The following MAP2K2 variants were observed in gnomAD, a reference collection of about 807,000 sequenced individuals.
MAP2K2 encodes mitogen-activated protein kinase kinase 2, also known as dual specificity mitogen-activated protein kinase kinase 2.
A neutral mutation model predicts 43.7 loss-of-function variants in MAP2K2; 24 were observed. That is an observed-to-expected ratio of 0.55 (90% CI 0.40 to 0.77). MAP2K2 has a LOEUF of 0.77. Among genes scored for constraint, MAP2K2 ranks in the 30% least tolerant of loss-of-function variants. The pLI is 0.00. For missense variants in MAP2K2, 470 were observed against 566.8 expected (o/e 0.83, Z 1.73); for synonymous variants, 244 against 239.7 (o/e 1.02, Z -0.17).
At chr19:4,102,975 G>A (rs970596757) in intron 3 of MAP2K2, 4 of 1,100,104 alleles carry the variant, frequency 3.6e-6, no homozygotes, top group Middle Eastern at 4.3e-4. Flanking sequence ...GTCGCTGTGT[G>A]CCCGTCCAGA....
chr19:4,118,850 A>G (rs1208038657), intron 1 of MAP2K2, among the ~76,000 whole-genome samples: 1 of 152,234 alleles, frequency 6.6e-6, no homozygotes, highest in Non-Finnish European at 1.5e-5. Flanking sequence ...GATTCAAGGA[A>G]TCTTCAGAGG....
intron 1 of MAP2K2, among the ~76,000 whole-genome samples, chr19:4,120,417 G>A (rs1450234311): frequency 6.6e-6 from 1 of 152,200 alleles, no homozygotes; most frequent in Non-Finnish European, 1.5e-5. Flanking sequence ...GGGTCCAAGC[G>A]ATTCTCCTGC....
chr19:4,122,875 C>A (rs1402131719), intron 1 of MAP2K2, among the ~76,000 whole-genome samples: 5 of 151,546 alleles, frequency 3.3e-5, no homozygotes, highest in African/African-American at 1.2e-4. Context: ...TATTGAGGGA[C>A]CCTTACCCCG....
Position 4,090,711 on chromosome 19 carries a change from G to T in MAP2K2, c.1093-3C>A, listed in dbSNP as rs1249048457. The T allele has an allele frequency of 6.4e-7, 1 of 1,551,538 alleles. No individual in the cohort carries two copies. The highest frequency in any genetic ancestry group is 8.7e-7 in the Non-Finnish European group (1 of 1,146,238). The stretch of plus-strand genomic sequence containing the variant: ...GACCGCTTGATGAAGGTGTGGTTCT[G>T]CAAGGAAAGGGGAGCCGTGAGCACC... On this transcript the variant is annotated splice_region_variant and splice_polypyrimidine_tract_variant and intron_variant, in intron 10 of 10. Coordinates refer to ENST00000262948, the MANE Select transcript of MAP2K2 (RefSeq NM_030662.4).
intron 1 of MAP2K2, among the ~76,000 whole-genome samples, chr19:4,122,894 T>C (rs1040424721): frequency 2.7e-5 from 4 of 149,652 alleles, no homozygotes; most frequent in African/African-American, 9.9e-5. Context: ...CGTCTTTTCC[T>C]ACCAGGGACC....
chr19:4,106,729 C>T (rs903584445), intron 3 of MAP2K2, among the ~76,000 whole-genome samples: 1 of 151,200 alleles, frequency 6.6e-6, no homozygotes, highest in Non-Finnish European at 1.5e-5. Context: ...TTTTCTACAA[C>T]CACCCCTCCA....
At chr19:4,114,160 G>T (rs1216337719) in intron 2 of MAP2K2, among the ~76,000 whole-genome samples, 1 of 152,272 alleles carries the variant, frequency 6.6e-6, no homozygotes, top group African/African-American at 2.4e-5. Context: ...GGCTGGGAGC[G>T]GTGGCCAGCT....
chr19:4,095,954 T>C (rs1161657612), intron 8 of MAP2K2, among the ~76,000 whole-genome samples: 1 of 152,236 alleles, frequency 6.6e-6, no homozygotes, highest in Non-Finnish European at 1.5e-5. Flanking sequence ...TTTATATTTT[T>C]AGTAGAGACG....
intron 1 of MAP2K2, among the ~76,000 whole-genome samples, chr19:4,120,160 G>C (rs2041274116): frequency 6.6e-6 from 1 of 152,192 alleles, no homozygotes; most frequent in African/African-American, 2.4e-5. Flanking sequence ...GCTCATCTTA[G>C]TGTCCCCCAT....
At position 4,094,108 on chromosome 19, in the gene MAP2K2, C is replaced by G. The variant is rs554796728; in HGVS notation, c.1092+345G>C. ...ACCCTCTAGTTTGCAGGGAAAGGAG[C>G]CTGGGGGGCTGAGAGCTGCCTCCAG... On this transcript the variant is annotated intron_variant, in intron 10 of 10. Transcript: ENST00000262948. Among the ~76,000 whole-genome samples, 94 of 152,276 alleles carry G rather than the reference C, an allele frequency of 6.2e-4. No homozygotes were observed. The East Asian group carries it at 0.018, about 28-fold the overall frequency.
intron 9 of MAP2K2, chr19:4,095,133 T>C (rs1471266928): frequency 4.1e-6 from 2 of 483,842 alleles, no homozygotes; most frequent in Non-Finnish European, 7.5e-6. Context: ...GACAGTGAGC[T>C]GGGGACACCG....
At chr19:4,097,231 AAG>A in intron 8 of MAP2K2, 46 bp downstream of exon 8, 2 of 1,251,146 alleles carry the variant, frequency 1.6e-6, no homozygotes, top group Non-Finnish European at 2.3e-6. Context: ...AAAAAAAAGA[AAG>A]AAGAAAGAAA....
intron 3 of MAP2K2, among the ~76,000 whole-genome samples, chr19:4,108,286 G>A (rs988440226): frequency 2.0e-5 from 3 of 152,266 alleles, no homozygotes; most frequent in African/African-American, 7.2e-5. Flanking sequence ...TGTGGCCCAG[G>A]CTGGAGTGCA....
At position 4,101,215 on chromosome 19, in the gene MAP2K2, G is replaced by A. The variant is rs544557960; in HGVS notation, c.580+14C>T. 4.7e-5 allele frequency: 75 copies of A among 1,591,546 alleles called. No homozygotes were observed. Among genetic ancestry groups the A allele is most frequent in the South Asian group, 2.3e-4 (20 of 87,542 alleles). ...CGGCCCCCGGGGCTCTGGGGAGGGCGGGCTGGGCCTTACCTCGGTGCATGA... is the reference window on the plus strand; with the variant it reads ...CGGCCCCCGGGGCTCTGGGGAGGGCAGGCTGGGCCTTACCTCGGTGCATGA... On this transcript the variant is annotated intron_variant, in intron 5 of 10. Coordinates refer to ENST00000262948, the MANE Select transcript of MAP2K2 (RefSeq NM_030662.4). This position sits in a 1 kb window ranked among gnomAD's most constrained non-coding sequence, Gnocchi z 6.3.
chr19:4,123,267 G>A (rs1454985426), intron 1 of MAP2K2, among the ~76,000 whole-genome samples: 1 of 148,816 alleles, frequency 6.7e-6, no homozygotes, highest in Non-Finnish European at 1.5e-5. Context: ...TCCTACTGAG[G>A]GACTCCCCTC....
chr19:4,123,283 A>G (rs1347178398), intron 1 of MAP2K2, among the ~76,000 whole-genome samples: 1 of 146,844 alleles, frequency 6.8e-6, no homozygotes, highest in African/African-American at 2.5e-5. Flanking sequence ...CCCTCACCCC[A>G]GCTTCACTTT....
chr19:4,099,213 G>A lies in MAP2K2; in HGVS notation c.907C>T (p.Arg303Cys), dbSNP rs770521279. Residue 303 changes from arginine (R) to cysteine (C), a missense_variant, in exon 7 of 11, where the codon CGC (arginine) becomes TGC (cysteine). Physicochemically the swap from Arg to Cys is radical, Grantham distance 180 (BLOSUM62 -3). Transcript: ENST00000262948. The stretch of plus-strand genomic sequence containing the variant: ...ATTCAGGCCGTACCGCTGACGGGGC[G>A]CCCGGGGGGCCTCGGCCGAGGCGAG... ...SISPRPRPPG[R>C]PVSGHGMDSR... is the part of the protein sequence containing the mutation. 1.7e-5 allele frequency: 27 copies of A among 1,602,718 alleles called. No individual in the cohort carries two copies. The highest frequency in any genetic ancestry group is 1.7e-4 in the Middle Eastern group (1 of 5,922).
chr19:4,123,858 C>G lies in MAP2K2; in HGVS notation c.18G>C (p.Lys6Asn), dbSNP rs2145090011. The G allele has an allele frequency of 6.6e-7, 1 of 1,514,884 alleles. No homozygotes were observed. The highest frequency in any genetic ancestry group is 8.8e-7 in the Non-Finnish European group (1 of 1,134,204). 93.8% of individuals were successfully genotyped at this position (1,514,884 alleles called of 1,614,324 possible). A position where few individuals can be genotyped will look rare whatever the true frequency, so the allele number is the denominator to read the frequency against. The change falls in exon 1 of 11, where the codon AAG becomes AAC. Residue 6 changes from lysine (K) to asparagine (N), a missense_variant. This residue lies in a region of MAP2K2 where 58 missense variants were observed against 48.0 expected (regional missense o/e 1.21). Coordinates refer to ENST00000262948, the MANE Select transcript of MAP2K2 (RefSeq NM_030662.4). ...TGATGGTGAGCGCCGGCAGCACCGG[C>G]TTCCTCCGGGCCAGCATCGGGGCTC... MLARR[K>N]PVLPALTINP...
rs972236148 is a variant in MAP2K2, at chr19:4,123,961, C to G, written c.-86G>C. 1.3e-5 allele frequency: 8 copies of G among 631,074 alleles called. No homozygotes were observed. Among genetic ancestry groups the G allele is most frequent in the African/African-American group, 2.0e-5 (1 of 50,382 alleles). 39.1% of individuals were successfully genotyped at this position (631,074 alleles called of 1,614,324 possible). A position where few individuals can be genotyped will look rare whatever the true frequency, so the allele number is the denominator to read the frequency against. ...GGAGCGGTCGGCGCCTACGCGAGCC[C>G]GGGGCTGCGGCCGCGGCCCAGGCCG... On this transcript the variant is annotated 5_prime_UTR_variant, in exon 1 of 11. Transcript: ENST00000262948.
Sources: allele counts gnomAD v4.1 joint callset (sites outside exome capture counted in the v4.1 genomes callset), GRCh38; gene constraint gnomAD v4.1.1; regional missense constraint gnomAD v4.1.1; non-coding constraint Gnocchi (gnomAD v3.1); transcripts MANE v1.5; gene names NCBI Gene and HGNC (gene_info 2026-07-23, HGNC 2026-07-21).